The following TRIO variants were observed in gnomAD, a reference collection of about 807,000 sequenced individuals.
TRIO encodes trio Rho guanine nucleotide exchange factor.
A neutral mutation model predicts 351.9 loss-of-function variants in TRIO; 58 were observed. The observed-to-expected ratio is 0.16, with a 90% CI of 0.13 to 0.21. TRIO has a LOEUF of 0.21. Ranked by LOEUF, TRIO falls within the 10% of genes least tolerant of loss-of-function variation. The pLI is 1.00. For synonymous variants in TRIO, 1,758 were observed against 1,595.7 expected, an observed-to-expected ratio of 1.10 and a Z score of -2.42; for missense variants, 3,201 against 4,027.8, an observed-to-expected ratio of 0.79 and a Z score of 5.56.
At chr5:14,269,033 G>A (rs1795845590) in intron 1 of TRIO, among the ~76,000 whole-genome samples, 1 of 152,188 alleles carries the variant, frequency 6.6e-6, no homozygotes, top group African/African-American at 2.4e-5. Flanking sequence ...TCAAAGCTTG[G>A]TGGGTTGCCA....
At chr5:14,397,206 T>A (rs1355551636) in intron 29 of TRIO, 52 bp downstream of exon 29, 3 of 1,402,890 alleles carry the variant, frequency 2.1e-6, no homozygotes, top group Non-Finnish European at 2.9e-6. Flanking sequence ...CTAATGACAC[T>A]GTTTGTAAAT....
chr5:14,239,115 A>C (rs1373902025), intron 1 of TRIO, among the ~76,000 whole-genome samples: 7 of 152,210 alleles, frequency 4.6e-5, no homozygotes, highest in Non-Finnish European at 1.0e-4. Flanking sequence ...TGTAGTCAAC[A>C]GAGTTCAGAA....
At chr5:14,151,378 G>T (rs1581235402) in intron 1 of TRIO, among the ~76,000 whole-genome samples, 1 of 84,142 alleles carries the variant, frequency 1.2e-5, no homozygotes, top group South Asian at 4.6e-4. Flanking sequence ...TTGTGTGTGT[G>T]TGTGTGTTTG....
chr5:14,258,017 A>T (rs1243919187), intron 1 of TRIO, among the ~76,000 whole-genome samples: 1 of 152,158 alleles, frequency 6.6e-6, no homozygotes, highest in Non-Finnish European at 1.5e-5. Context: ...AGCTTTGGAG[A>T]GACTAGGTAA....
chr5:14,300,220 A>T, intron 7 of TRIO, among the ~76,000 whole-genome samples: 1 of 152,236 alleles, frequency 6.6e-6, no homozygotes, highest in East Asian at 1.9e-4. Context: ...AGCAGATACC[A>T]TTAGAATTAA....
intron 11 of TRIO, among the ~76,000 whole-genome samples, chr5:14,354,649 C>T (rs1359656129): frequency 1.3e-5 from 2 of 152,228 alleles, no homozygotes; most frequent in Non-Finnish European, 2.9e-5. Context: ...TTCAGATGTA[C>T]ATTTGCTTAA....
intron 1 of TRIO, among the ~76,000 whole-genome samples, chr5:14,222,774 G>T (rs1213787082): frequency 6.6e-6 from 1 of 152,158 alleles, no homozygotes; most frequent in Admixed American, 6.5e-5. Context: ...ACTTTTCCCT[G>T]TTTCCAGGTA....
At chr5:14,298,797 C>T (rs775407425) in intron 7 of TRIO, among the ~76,000 whole-genome samples, 1 of 152,144 alleles carries the variant, frequency 6.6e-6, no homozygotes, top group Non-Finnish European at 1.5e-5. Context: ...TAACTTTTTG[C>T]ATTTGACTAA....
In TRIO at chr5:14,465,556, G is replaced by T. The variant is rs1423847725; in HGVS notation, c.5679G>T (p.Arg1893=). The T allele has an allele frequency of 4.3e-6, 7 of 1,613,974 alleles. No homozygotes were observed. The highest frequency in any genetic ancestry group is 1.7e-5 in the Admixed American group (1 of 59,984). ...AATTTCTTCTGTAGGCCTCTTCTCG[G>T]TTATTAGTCCGCCCCACCAGCTCCG... ...PDSQDDKASS[R]LLVRPTSSET... is the part of the protein sequence containing the mutation. Residue 1893 remains arginine, a synonymous_variant, in exon 37 of 57, where the codon CGG becomes CGT. Coordinates refer to ENST00000344204, the MANE Select transcript of TRIO (RefSeq NM_007118.4).
chr5:14,332,783 T>C (rs1741021349), intron 10 of TRIO, among the ~76,000 whole-genome samples: 1 of 152,180 alleles, frequency 6.6e-6, no homozygotes, highest in Admixed American at 6.5e-5. Flanking sequence ...TTTTCCTTGC[T>C]GTAAAATGAT....
rs184883922 is a variant in TRIO at position 14,224,005 on chromosome 5, A to G, written c.158-46820A>G. Among the ~76,000 whole-genome samples the G allele has an allele frequency of 2.0e-4, 30 of 152,322 alleles. No homozygotes were observed. The East Asian group carries it at 5.4e-3, about 27-fold the overall frequency. ...CAGAACCCACATTTGGCCTGAAAAT[A>G]GTATTAATAAAAGTAAATGTTTTTC... On this transcript the variant is annotated intron_variant, in intron 1 of 56. Coordinates refer to ENST00000344204, the MANE Select transcript of TRIO (RefSeq NM_007118.4).
At chr5:14,155,369 A>G (rs1032905916) in intron 1 of TRIO, among the ~76,000 whole-genome samples, 6 of 152,250 alleles carry the variant, frequency 3.9e-5, no homozygotes, top group African/African-American at 1.4e-4. Flanking sequence ...ATGCTCTTAC[A>G]TAGTGATCAT....
At chr5:14,403,734 AGGT>A (rs1296373078) in intron 31 of TRIO, among the ~76,000 whole-genome samples, 2 of 76,118 alleles carry the variant, frequency 2.6e-5, no homozygotes, top group Non-Finnish European at 5.3e-5. Context: ...GTGAGGGTGC[AGGT>A]GGTGGTGAGG....
intron 1 of TRIO, among the ~76,000 whole-genome samples, chr5:14,211,783 A>G (rs1452394603): frequency 6.6e-6 from 1 of 151,994 alleles, no homozygotes; most frequent in Non-Finnish European, 1.5e-5. Context: ...TATCAATGAA[A>G]TAAAAAGTAT....
intron 18 of TRIO, among the ~76,000 whole-genome samples, chr5:14,372,215 G>T (rs1005396009): frequency 9.4e-5 from 13 of 138,950 alleles, no homozygotes; most frequent in African/African-American, 3.1e-4. Flanking sequence ...AAAGGCGGAG[G>T]GGGGGCGATG....
At chr5:14,325,927 T>C (rs73748806) in intron 9 of TRIO, among the ~76,000 whole-genome samples, 4,435 of 152,300 alleles carry the variant, frequency 0.029, 232 homozygotes, top group African/African-American at 0.1. Context: ...TGCTGAGCGT[T>C]GTGACAGCGT....
At chr5:14,468,771 G>A (rs181000546) in intron 37 of TRIO, among the ~76,000 whole-genome samples, 1 of 152,332 alleles carries the variant, frequency 6.6e-6, no homozygotes, top group East Asian at 1.9e-4. Flanking sequence ...TTATTCTTCA[G>A]AAACTCTGTA....
At chr5:14,470,607 A>T (rs946582009) in intron 37 of TRIO, among the ~76,000 whole-genome samples, 11 of 152,258 alleles carry the variant, frequency 7.2e-5, no homozygotes, top group Admixed American at 7.2e-4. Context: ...AACACTTGCA[A>T]AGATTTGCAT....
intron 8 of TRIO, among the ~76,000 whole-genome samples, chr5:14,312,052 C>A (rs931259007): frequency 2.6e-5 from 4 of 152,100 alleles, no homozygotes; most frequent in Non-Finnish European, 5.9e-5. Context: ...TATTGTCTTT[C>A]CTTAGGTCAG....
Sources: allele counts gnomAD v4.1 joint callset (sites outside exome capture counted in the v4.1 genomes callset), GRCh38; gene constraint gnomAD v4.1.1; transcripts MANE v1.5; gene names NCBI Gene and HGNC (gene_info 2026-07-23, HGNC 2026-07-21).